The following SLIT3 variants were observed in gnomAD, a reference collection of about 807,000 sequenced individuals.
SLIT3 encodes the protein slit homolog 3 protein.
SLIT3 carries 68 observed loss-of-function variants against 184.0 expected under a neutral mutation model. The observed-to-expected ratio is 0.37, with a 90% CI of 0.30 to 0.45. SLIT3 has a LOEUF of 0.45. SLIT3 is among the 20% of genes least tolerant of loss of function. The pLI, the probability that SLIT3 is intolerant of heterozygous loss-of-function variation, is 1.00. For missense variants in SLIT3, 1,707 were observed against 2,026.0 expected, an observed-to-expected ratio of 0.84 and a Z score of 3.02; for synonymous variants, 831 against 828.6, an observed-to-expected ratio of 1.00 and a Z score of -0.05.
At chr5:169,073,631 T>A (rs1373263390) in intron 4 of SLIT3, among the ~76,000 whole-genome samples, 1 of 152,148 alleles carries the variant, frequency 6.6e-6, no homozygotes, top group Non-Finnish European at 1.5e-5. Flanking sequence ...CCCTCATGAA[T>A]GTCTTGGTGC....
At position 168,722,277 on chromosome 5, in the gene SLIT3, C is replaced by G; in HGVS notation, c.2462G>C (p.Gly821Ala). The change falls in exon 23 of 36, where the codon GGG (glycine) becomes GCG (alanine). Residue 821 changes from glycine to alanine, a missense_variant. By Grantham distance (60) the Gly-to-Ala change is moderately conservative. Transcript: ENST00000519560. Reference sequence around the variant, plus strand: ...TCACAGCACTCGCAGGGACCGCAGCCCGTTGAAGGCGTGGACGGGGATGCA... The same window carrying G: ...TCACAGCACTCGCAGGGACCGCAGCGCGTTGAAGGCGTGGACGGGGATGCA... Reference protein sequence around the residue: ...LRCIPVHAFNGLRSLRVLTLH... With the variant: ...LRCIPVHAFNALRSLRVLTLH... The G allele has an allele frequency of 6.2e-7, 1 of 1,614,074 alleles. No homozygotes were observed. The highest frequency in any genetic ancestry group is 8.5e-7 in the Non-Finnish European group (1 of 1,180,012).
chr5:168,929,119 A>G (rs892611716), intron 4 of SLIT3, among the ~76,000 whole-genome samples: 1 of 152,230 alleles, frequency 6.6e-6, no homozygotes, highest in African/African-American at 2.4e-5. Flanking sequence ...AATTGTGTCC[A>G]TTTCACAGAT....
chr5:168,946,994 T>C (rs1402401058), intron 4 of SLIT3, among the ~76,000 whole-genome samples: 1 of 152,134 alleles, frequency 6.6e-6, no homozygotes, highest in Non-Finnish European at 1.5e-5. Flanking sequence ...TATGGGGGTG[T>C]ATTGTTATTA....
chr5:168,937,657 G>A (rs374275850), intron 4 of SLIT3, among the ~76,000 whole-genome samples: 3 of 152,058 alleles, frequency 2.0e-5, no homozygotes, highest in Non-Finnish European at 4.4e-5. Flanking sequence ...GGTGGTAGGC[G>A]GGGATCACAG....
chr5:168,984,651 C>T (rs143173465), intron 4 of SLIT3, among the ~76,000 whole-genome samples: 149 of 152,296 alleles, frequency 9.8e-4, no homozygotes, highest in African/African-American at 3.4e-3. Context: ...TTGTGCCCTA[C>T]TTTTCCAAGG....
intron 6 of SLIT3, among the ~76,000 whole-genome samples, chr5:168,839,306 A>G (rs1758160397): frequency 6.6e-6 from 1 of 152,066 alleles, no homozygotes; most frequent in Non-Finnish European, 1.5e-5. Flanking sequence ...CTGGCCACAC[A>G]GCGTGTCTTT....
intron 1 of SLIT3, among the ~76,000 whole-genome samples, chr5:169,273,412 G>A (rs1766695552): frequency 6.6e-6 from 1 of 152,168 alleles, no homozygotes; most frequent in Admixed American, 6.5e-5. Flanking sequence ...ACATGTGTAT[G>A]CACATACACA....
intron 4 of SLIT3, among the ~76,000 whole-genome samples, chr5:168,884,549 G>GATATATATATATATATAT (rs58407375): frequency 0.046 from 1,879 of 40,964 alleles, 413 homozygotes; most frequent in African/African-American, 0.057. Context: ...CCAATTACGA[G>GATATATATATATATATAT]ATATATATAT....
At chr5:168,669,219 G>C (rs1252801673) in intron 35 of SLIT3, among the ~76,000 whole-genome samples, 2 of 152,348 alleles carry the variant, frequency 1.3e-5, no homozygotes, top group African/African-American at 4.8e-5. Context: ...TGGTGGAAAT[G>C]ATGGTGTGAG....
At chr5:168,901,362 TCAAAA>T (rs142953631) in intron 4 of SLIT3, among the ~76,000 whole-genome samples, 2,793 of 148,824 alleles carry the variant, frequency 0.019, 66 homozygotes, top group African/African-American at 0.062. Context: ...AGACTCCGTC[TCAAAA>T]CAAAACAAAA....
At chr5:168,731,725 C>A (rs1561899131) in intron 20 of SLIT3, among the ~76,000 whole-genome samples, 1 of 151,974 alleles carries the variant, frequency 6.6e-6, no homozygotes, top group Non-Finnish European at 1.5e-5. Context: ...TTAACAGATG[C>A]AGAAAAAGCA....
At chr5:169,157,047 C>G (rs1762334846) in intron 4 of SLIT3, among the ~76,000 whole-genome samples, 1 of 152,188 alleles carries the variant, frequency 6.6e-6, no homozygotes, top group South Asian at 2.1e-4. Flanking sequence ...CCCCCCCCAC[C>G]TCCACCAGCA....
At chr5:168,857,495 A>C (rs973674027) in intron 5 of SLIT3, among the ~76,000 whole-genome samples, 1 of 152,178 alleles carries the variant, frequency 6.6e-6, no homozygotes, top group South Asian at 2.1e-4. Context: ...CTATGGCCTA[A>C]CTTCTCTGGG....
chr5:168,688,334 G>A (rs918948419), intron 29 of SLIT3, among the ~76,000 whole-genome samples: 1 of 152,136 alleles, frequency 6.6e-6, no homozygotes, highest in Non-Finnish European at 1.5e-5. Context: ...GGTGAGGGTT[G>A]GGGGGAAGCA....
chr5:169,026,301 C>A (rs985188342), intron 4 of SLIT3: 1 of 152,144 alleles, frequency 6.6e-6, no homozygotes, highest in African/African-American at 2.4e-5. Flanking sequence ...TGTTGTTTTG[C>A]CATTTCTAGG....
At chr5:169,100,370 T>C (rs949599779) in intron 4 of SLIT3, among the ~76,000 whole-genome samples, 8 of 152,142 alleles carry the variant, frequency 5.3e-5, no homozygotes, top group Admixed American at 2.6e-4. Flanking sequence ...TCCTTCAAAC[T>C]AGATGAGGCT....
chr5:168,985,011 C>A (rs1485862969), intron 4 of SLIT3, among the ~76,000 whole-genome samples: 5 of 152,150 alleles, frequency 3.3e-5, no homozygotes, highest in African/African-American at 4.8e-5. Context: ...AGGAAAGCAA[C>A]AAGAAACCGG....
At chr5:168,803,590 A>G (rs747989028) in intron 9 of SLIT3, among the ~76,000 whole-genome samples, 3 of 152,152 alleles carry the variant, frequency 2.0e-5, no homozygotes, top group African/African-American at 4.8e-5. Context: ...AGAGATGTGA[A>G]GTGGAAGGGG....
chr5:169,268,733 A>G (rs748864708), intron 1 of SLIT3, among the ~76,000 whole-genome samples: 1 of 152,210 alleles, frequency 6.6e-6, no homozygotes, highest in Non-Finnish European at 1.5e-5. Flanking sequence ...GCAGAACCTC[A>G]GAGGGTTTTT....
Sources: gnomAD v4.1 joint callset for allele counts (sites outside exome capture counted in the v4.1 genomes callset) on GRCh38, gnomAD v4.1.1 for gene constraint, MANE v1.5 for transcripts, NCBI Gene and HGNC (gene_info 2026-07-23, HGNC 2026-07-21) for gene names.